The following SCHIP1 variants were observed in gnomAD, a reference collection of about 807,000 sequenced individuals.
The protein encoded by SCHIP1 is schwannomin-interacting protein 1.
In SCHIP1, 8 loss-of-function variants were observed where a neutral mutation model predicts 29.7. That is an observed-to-expected ratio of 0.27 (90% CI 0.16 to 0.49). The LOEUF (loss-of-function observed/expected upper bound fraction) is 0.49. Among genes scored for constraint, SCHIP1 ranks in the 20% least tolerant of loss-of-function variants. The pLI is 0.99. For missense variants in SCHIP1, 193 were observed against 294.6 expected, an observed-to-expected ratio of 0.66 and a Z score of 2.52; for synonymous variants, 76 against 94.9, an observed-to-expected ratio of 0.80 and a Z score of 1.16.
the SCHIP1 span, among the ~76,000 whole-genome samples, chr3:159,777,730 A>G: frequency 1.2e-4 from 19 of 152,144 alleles, no homozygotes; most frequent in Non-Finnish European, 2.9e-5. Flanking sequence ...ACTTAATTCC[A>G]AGGTGTGGTG....
At chr3:159,790,135 G>A in the SCHIP1 span, among the ~76,000 whole-genome samples, 1 of 152,160 alleles carries the variant, frequency 6.6e-6, no homozygotes, top group African/African-American at 2.4e-5. Flanking sequence ...TGAAAGCTTT[G>A]GTATTTACTG....
At chr3:159,586,612 A>G in the SCHIP1 span, among the ~76,000 whole-genome samples, 586 of 152,262 alleles carry the variant, frequency 3.8e-3, 2 homozygotes, top group South Asian at 9.7e-3. Context: ...TGAGGATGCT[A>G]TAAGGCTCAG....
the SCHIP1 span, among the ~76,000 whole-genome samples, chr3:159,743,956 C>T: frequency 1.3e-5 from 2 of 152,120 alleles, no homozygotes; most frequent in African/African-American, 4.8e-5. Context: ...CCCTAACTCA[C>T]AGTCTCAAAA....
At chr3:159,546,970 G>C in the SCHIP1 span, among the ~76,000 whole-genome samples, 1 of 152,086 alleles carries the variant, frequency 6.6e-6, no homozygotes, top group Non-Finnish European at 1.5e-5. Context: ...TGGTATTGCT[G>C]ATTCTAGATC....
At chr3:159,689,866 T>C in the SCHIP1 span, among the ~76,000 whole-genome samples, 1 of 152,222 alleles carries the variant, frequency 6.6e-6, no homozygotes, top group Non-Finnish European at 1.5e-5. Flanking sequence ...CATGTGGTTT[T>C]TGTCTTTGGG....
At chr3:159,437,320 T>C in the SCHIP1 span, among the ~76,000 whole-genome samples, 6 of 152,128 alleles carry the variant, frequency 3.9e-5, no homozygotes, top group African/African-American at 1.4e-4. Flanking sequence ...ATTTTGTCTA[T>C]CTGGGTAAAT....
upstream of SCHIP1, among the ~76,000 whole-genome samples, chr3:159,836,809 A>T (rs999508263): frequency 6.6e-6 from 1 of 152,228 alleles, no homozygotes; most frequent in Non-Finnish European, 1.5e-5. Context: ...AACAAATGTT[A>T]CTGCAGTTTG....
the SCHIP1 span, among the ~76,000 whole-genome samples, chr3:159,588,007 T>G: frequency 6.6e-6 from 1 of 152,176 alleles, no homozygotes; most frequent in South Asian, 2.1e-4. Context: ...CTGGGTCAAA[T>G]GGTATTTCTA....
chr3:159,320,853 TAAA>T, the SCHIP1 span, among the ~76,000 whole-genome samples: 8 of 138,686 alleles, frequency 5.8e-5, no homozygotes, highest in East Asian at 1.0e-3. Flanking sequence ...TTCTGTCATC[TAAA>T]AAAAAAAAAA....
At chr3:159,830,250 A>T in the SCHIP1 span, among the ~76,000 whole-genome samples, 1 of 152,202 alleles carries the variant, frequency 6.6e-6, no homozygotes. Flanking sequence ...TTTGTATCAC[A>T]AACAGCATCA....
the SCHIP1 span, among the ~76,000 whole-genome samples, chr3:159,575,339 T>TA: frequency 4.6e-5 from 7 of 152,304 alleles, no homozygotes; most frequent in Admixed American, 2.6e-4. Context: ...TTTTCTATGC[T>TA]TTTTTCCCCC....
At chr3:159,472,662 G>A in the SCHIP1 span, among the ~76,000 whole-genome samples, 78 of 152,220 alleles carry the variant, frequency 5.1e-4, 1 homozygote, top group African/African-American at 1.8e-3. Context: ...GGCCCTCGGC[G>A]GAGGGATAAA....
the SCHIP1 span, among the ~76,000 whole-genome samples, chr3:159,505,287 T>C: frequency 6.6e-6 from 1 of 152,076 alleles, no homozygotes; most frequent in Non-Finnish European, 1.5e-5. Context: ...AATTAATCTA[T>C]GAATTCAATG....
At chr3:159,515,466 T>C in the SCHIP1 span, among the ~76,000 whole-genome samples, 4 of 152,246 alleles carry the variant, frequency 2.6e-5, 1 homozygote, top group South Asian at 4.1e-4. Flanking sequence ...AGTCACTTCA[T>C]AGTTTATTTA....
chr3:159,274,178 T>C, the SCHIP1 span: 1 of 985,216 alleles, frequency 1.0e-6, no homozygotes, highest in Non-Finnish European at 1.2e-6. Context: ...ACTTTGGAAA[T>C]AGCATTTTAA....
chr3:159,303,196 G>A, the SCHIP1 span, among the ~76,000 whole-genome samples: 16 of 151,964 alleles, frequency 1.1e-4, no homozygotes, highest in Admixed American at 1.1e-3. Flanking sequence ...CATCATGGAG[G>A]GGCTAGATGG....
At chr3:159,338,789 C>T in the SCHIP1 span, among the ~76,000 whole-genome samples, 1 of 152,150 alleles carries the variant, frequency 6.6e-6, no homozygotes, top group African/African-American at 2.4e-5. Context: ...GTTTTTAAGA[C>T]ATTTTCCACA....
chr3:159,320,412 C>T, the SCHIP1 span, among the ~76,000 whole-genome samples: 1 of 152,098 alleles, frequency 6.6e-6, no homozygotes, highest in East Asian at 1.9e-4. Flanking sequence ...GCCTCCAGAA[C>T]CGTGAGAAAC....
the SCHIP1 span, among the ~76,000 whole-genome samples, chr3:159,595,985 C>A: frequency 6.6e-6 from 1 of 152,130 alleles, no homozygotes; most frequent in South Asian, 2.1e-4. Context: ...TTCTGCACAG[C>A]AAAAGAAACT....
Sources: gnomAD v4.1 joint callset for allele counts (sites outside exome capture counted in the v4.1 genomes callset) on GRCh38, gnomAD v4.1.1 for gene constraint, MANE v1.5 for transcripts, NCBI Gene and HGNC (gene_info 2026-07-23, HGNC 2026-07-21) for gene names.